AHCTF1: variants seen among roughly 807,000 people sequenced by gnomAD.
AHCTF1 encodes the protein protein ELYS.
In AHCTF1, 24 loss-of-function variants were observed where a neutral mutation model predicts 248.4. The ratio of observed to expected loss-of-function variants is 0.10; its 90% CI spans 0.07 to 0.14. The LOEUF (loss-of-function observed/expected upper bound fraction) is 0.14. Among genes scored for constraint, AHCTF1 ranks in the 10% least tolerant of loss-of-function variants. The pLI is 1.00. For synonymous variants in AHCTF1, 786 were observed against 929.8 expected (o/e 0.85, Z 2.81); for missense variants, 2,206 against 2,636.2 (o/e 0.84, Z 3.57).
intron 24 of AHCTF1, among the ~76,000 whole-genome samples, chr1:246,871,587 A>G (rs1252934272): frequency 6.6e-6 from 1 of 152,228 alleles, no homozygotes; most frequent in Non-Finnish European, 1.5e-5. Flanking sequence ...TTGGAGTTAA[A>G]GAGGCTAACA....
At chr1:246,891,134 A>C (rs1664183118) in intron 15 of AHCTF1, 74 bp from the exon 16 acceptor site, 1 of 851,594 alleles carries the variant, frequency 1.2e-6, no homozygotes. Context: ...AAAATTAATC[A>C]CTTGGTAATT....
In AHCTF1 at chr1:246,918,927, G is replaced by C. The variant is rs192092296; in HGVS notation, c.-7-550C>G. Among the ~76,000 whole-genome samples the C allele has an allele frequency of 7.9e-5, 12 of 152,286 alleles. No homozygotes were observed. In the East Asian group the frequency reaches 2.3e-3, roughly 29 times the overall value. On this transcript the variant is annotated intron_variant, in intron 1 of 35. Transcript: ENST00000648844. The stretch of plus-strand genomic sequence containing the variant: ...GTCTTTTAGAAAAATCACTTCTTCA[G>C]TAAAGGGGGAGAAAGTCCAAGAAAA...
chr1:246,909,132 C>T (rs1665614331), intron 4 of AHCTF1, among the ~76,000 whole-genome samples: 2 of 148,854 alleles, frequency 1.3e-5, no homozygotes, highest in Non-Finnish European at 3.0e-5. Flanking sequence ...TAAAATTCAG[C>T]CAGGTGAGGT....
chr1:246,843,537 T>G (rs569438474), intron 34 of AHCTF1, among the ~76,000 whole-genome samples: 1 of 152,296 alleles, frequency 6.6e-6, no homozygotes, highest in East Asian at 1.9e-4. Context: ...CACAAACAGG[T>G]AATTTAAACT....
intron 21 of AHCTF1, among the ~76,000 whole-genome samples, chr1:246,881,550 G>A (rs1225874789): frequency 1.3e-5 from 2 of 152,056 alleles, no homozygotes; most frequent in Non-Finnish European, 2.9e-5. Context: ...AATAGAAGCA[G>A]GGTCAGCTGG....
intron 24 of AHCTF1, among the ~76,000 whole-genome samples, chr1:246,870,014 G>A (rs1002287263): frequency 2.0e-5 from 3 of 152,182 alleles, no homozygotes; most frequent in Admixed American, 6.5e-5. Flanking sequence ...TTCCTGGGAG[G>A]AGTCAAACTA....
intron 33 of AHCTF1, among the ~76,000 whole-genome samples, chr1:246,847,298 A>C (rs6700546): frequency 0.25 from 33,242 of 130,856 alleles, 4,040 homozygotes; most frequent in East Asian, 0.43. Flanking sequence ...TCAAAAAAAA[A>C]AAACAAACAA....
Position 246,851,323 on chromosome 1 carries a change from G to A in AHCTF1, c.4683C>T (p.Asp1561=), listed in dbSNP as rs1197047550. Residue 1561 remains aspartate, a synonymous_variant, in exon 33 of 36, where the codon GAC becomes GAT. Coordinates refer to ENST00000648844, the MANE Select transcript of AHCTF1 (RefSeq NM_001323342.2). ...LKLQYNFDTI[D]QQFCDLADNK... Reference sequence around the variant, plus strand: ...TATCAGCTAAGTCACAAAACTGTTGGTCAATAGTATCAAAATTGTACTGAA... The same window carrying A: ...TATCAGCTAAGTCACAAAACTGTTGATCAATAGTATCAAAATTGTACTGAA... 4 of 1,614,038 alleles carry A rather than the reference G, an allele frequency of 2.5e-6. No homozygotes were observed. The highest frequency in any genetic ancestry group is 1.1e-5 in the South Asian group (1 of 91,084).
chr1:246,921,805 G>C (rs1392677664), intron 1 of AHCTF1, among the ~76,000 whole-genome samples: 1 of 152,054 alleles, frequency 6.6e-6, no homozygotes, highest in Non-Finnish European at 1.5e-5. Context: ...TATGTTTTTA[G>C]ACAAAAAAGT....
intron 14 of AHCTF1, 96 bp downstream of exon 14, chr1:246,894,563 A>G: frequency 9.7e-7 from 1 of 1,028,608 alleles, no homozygotes; most frequent in Non-Finnish European, 1.4e-6. Flanking sequence ...AGAGTTTACA[A>G]CTTCAAAATG....
intron 29 of AHCTF1, among the ~76,000 whole-genome samples, chr1:246,859,596 G>T (rs73142243): frequency 0.033 from 4,970 of 152,092 alleles, 289 homozygotes; most frequent in African/African-American, 0.11. Flanking sequence ...TTGAGACAGG[G>T]TCTCATTCTC....
At chr1:246,892,568 G>A (rs919337864) in intron 14 of AHCTF1, among the ~76,000 whole-genome samples, 10 of 151,900 alleles carry the variant, frequency 6.6e-5, no homozygotes, top group East Asian at 3.9e-4. Flanking sequence ...TGATCCGCCC[G>A]CCTCGGCCTC....
intron 24 of AHCTF1, among the ~76,000 whole-genome samples, chr1:246,874,261 C>G (rs919291940): frequency 6.6e-6 from 1 of 152,050 alleles, no homozygotes; most frequent in Non-Finnish European, 1.5e-5. Flanking sequence ...CCTCTGTCTC[C>G]CTTGCATAAA....
chr1:246,921,230 CAAAG>C (rs1383896354), intron 1 of AHCTF1, among the ~76,000 whole-genome samples: 3 of 151,566 alleles, frequency 2.0e-5, no homozygotes, highest in African/African-American at 7.3e-5. Flanking sequence ...ATGAAAAAAA[CAAAG>C]AAAAAATAAA....
intron 2 of AHCTF1, among the ~76,000 whole-genome samples, 185 bp downstream of exon 2, chr1:246,918,065 G>C (rs1382290153): frequency 6.6e-6 from 1 of 152,032 alleles, no homozygotes. Flanking sequence ...CCCCCAATCA[G>C]AGGTTCACTG....
chr1:246,841,142 G>T, intron 35 of AHCTF1, 144 bp from the exon 36 acceptor site: 1 of 678,572 alleles, frequency 1.5e-6, no homozygotes, highest in Non-Finnish European at 2.3e-6. Flanking sequence ...GGGAACTGAA[G>T]TGAAGCTTTA....
intron 4 of AHCTF1, among the ~76,000 whole-genome samples, chr1:246,911,476 ATTCT>A (rs1236686900): frequency 1.6e-5 from 2 of 124,858 alleles, no homozygotes; most frequent in East Asian, 5.0e-4. Flanking sequence ...ATCTATGAAG[ATTCT>A]TTTTTTTTTT....
At chr1:246,887,409 C>T (rs779606839) in intron 19 of AHCTF1, 52 bp from the exon 20 acceptor site, 17 of 1,521,040 alleles carry the variant, frequency 1.1e-5, no homozygotes, top group East Asian at 4.6e-5. Flanking sequence ...AAACCTCCTA[C>T]GTATATATTT....
intron 26 of AHCTF1, among the ~76,000 whole-genome samples, chr1:246,866,457 C>G (rs542754130): frequency 2.0e-5 from 3 of 150,740 alleles, no homozygotes; most frequent in Non-Finnish European, 4.4e-5. Context: ...AAATTTAGTC[C>G]AAAAAAAGAA....
Sources: allele counts gnomAD v4.1 joint callset (sites outside exome capture counted in the v4.1 genomes callset), GRCh38; gene constraint gnomAD v4.1.1; transcripts MANE v1.5; gene names NCBI Gene and HGNC (gene_info 2026-07-23, HGNC 2026-07-21).